The following RPL28 variants were observed in gnomAD, a reference collection of about 807,000 sequenced individuals.
The protein encoded by RPL28 is ribosomal protein L28.
In RPL28, 4 loss-of-function variants were observed where a neutral mutation model predicts 12.5. The ratio of observed to expected loss-of-function variants is 0.32; its 90% confidence interval spans 0.16 to 0.73. The LOEUF is 0.73. RPL28 is among the 30% of genes least tolerant of loss of function. RPL28 has a pLI of 0.66. For synonymous variants in RPL28, 91 were observed against 72.5 expected, an observed-to-expected ratio of 1.26 and a Z score of -1.30; for missense variants, 214 against 197.7, an observed-to-expected ratio of 1.08 and a Z score of -0.49.
rs2089982441 is a variant in RPL28, at chr19:55,390,742, CTGAA to C, written c.*2413_*2416del. 1.0e-6 allele frequency: 1 copy of C among 985,438 alleles called. No homozygotes were observed. Among genetic ancestry groups the C allele is most frequent in the Non-Finnish European group, 1.2e-6 (1 of 829,982 alleles). The allele number at this position is 985,438 out of a possible 1,614,324, so 61.0% of individuals were successfully genotyped here. On this transcript the variant is annotated 3_prime_UTR_variant, in exon 5 of 5. Transcript: ENST00000344063. ...GGGCTGGGGAGGCCACGTCTGGTAT[CTGAA>C]TGCTATCGGTGGGTTGGGGTGGAGG...
chr19:55,388,739 T>A lies in RPL28; in HGVS notation c.*407T>A. The A allele has an allele frequency of 2.0e-6, 2 of 1,018,316 alleles. No homozygotes were observed. The highest frequency in any genetic ancestry group is 2.3e-6 in the Non-Finnish European group (2 of 852,288). The allele number at this position is 1,018,316 out of a possible 1,614,324, so 63.1% of individuals were successfully genotyped here. A position where few individuals can be genotyped will look rare whatever the true frequency, so the allele number is the denominator to read the frequency against. On this transcript the variant is annotated 3_prime_UTR_variant, in exon 5 of 5. Transcript: ENST00000344063. ...GGTGCTGTAGCACGGTTTGGGGACTTGGGGTGTTCCCAAGACCTGGGGGAC... is the reference window on the plus strand; with the variant it reads ...GGTGCTGTAGCACGGTTTGGGGACTAGGGGTGTTCCCAAGACCTGGGGGAC...
chr19:55,402,227 G>A (rs2090065094), intron 4 of RPL28, among the ~76,000 whole-genome samples: 1 of 152,218 alleles, frequency 6.6e-6, no homozygotes, highest in Non-Finnish European at 1.5e-5. Context: ...CAGGATTTGA[G>A]GAAATCACAC....
intron 1 of RPL28, 110 bp downstream of exon 1, chr19:55,386,075 C>T (rs890659946): frequency 1.6e-5 from 7 of 438,684 alleles, no homozygotes; most frequent in South Asian, 2.2e-5. Context: ...TGGCGGACCC[C>T]AACCCCTCCC....
chr19:55,388,557 T>A lies in RPL28; in HGVS notation c.*225T>A. 8.0e-7 allele frequency: 1 copy of A among 1,254,494 alleles called. No individual in the cohort carries two copies. The highest frequency in any genetic ancestry group is 1.5e-5 in the African/African-American group (1 of 64,710). The allele number at this position is 1,254,494 out of a possible 1,614,324, so 77.7% of individuals were successfully genotyped here. On this transcript the variant is annotated 3_prime_UTR_variant, in exon 5 of 5. Coordinates refer to ENST00000344063, the MANE Select transcript of RPL28 (RefSeq NM_000991.5). ...TCCCTGGTGAGGGCAAGGGTCACTG[T>A]CTTCACAGAAAAAGTTTGCTGACTT...
At chr19:55,398,099 G>A (rs1174541657) in intron 4 of RPL28, among the ~76,000 whole-genome samples, 1 of 152,186 alleles carries the variant, frequency 6.6e-6, no homozygotes, top group East Asian at 1.9e-4. Context: ...GGGAGTCTGA[G>A]GCATGAAATC....
At position 55,390,003 on chromosome 19, in the gene RPL28, C is replaced by T; in HGVS notation, c.*1671C>T. The T allele has an allele frequency of 2.0e-6, 2 of 985,500 alleles. No individual in the cohort carries two copies. The highest frequency in any genetic ancestry group is 9.4e-5 in the South Asian group (2 of 21,294). The allele number at this position is 985,500 out of a possible 1,614,324, so 61.0% of individuals were successfully genotyped here. ...TGCTCACGTTAGTAGATGGCCCCTT[C>T]TCGTGAGGCCTCTCCCCTGGCACCT... On this transcript the variant is annotated 3_prime_UTR_variant, in exon 5 of 5. Transcript: ENST00000344063.
intron 3 of RPL28, chr19:55,387,586 C>T (rs1464802602): frequency 2.8e-6 from 4 of 1,404,200 alleles, no homozygotes; most frequent in East Asian, 5.3e-5. Context: ...GCCTGGGGTT[C>T]CTGGGAAGCT....
rs1485382897 is a variant in RPL28, at chr19:55,390,582, C to T, written c.*2250C>T. 3.0e-6 allele frequency: 3 copies of T among 985,658 alleles called. No homozygotes were observed. The highest frequency in any genetic ancestry group is 2.3e-4 in the East Asian group (2 of 8,834). 61.1% of individuals were successfully genotyped at this position (985,658 alleles called of 1,614,324 possible). ...AGGCTTGTGCCTCTAGGCCCCACCC[C>T]CTGTGGAGTCCTGCTGGCTTTCTCC... is the stretch of plus-strand genomic sequence containing the variant. On this transcript the variant is annotated 3_prime_UTR_variant, in exon 5 of 5. Coordinates refer to ENST00000344063, the MANE Select transcript of RPL28 (RefSeq NM_000991.5).
At chr19:55,402,992 A>C (rs1459906871) in exon 5 of RPL28, 14 of 1,534,668 alleles carry the variant, frequency 9.1e-6, no homozygotes, top group Non-Finnish European at 1.2e-5. Context: ...CTGGAGCACC[A>C]GCCTAGACCA....
rs2089963632 is a variant in RPL28, at chr19:55,388,993, C to T, written c.*661C>T. 2 of 985,374 alleles carry T rather than the reference C, an allele frequency of 2.0e-6. No homozygotes were observed. Among genetic ancestry groups the T allele is most frequent in the Non-Finnish European group, 2.4e-6 (2 of 829,976 alleles). The allele number at this position is 985,374 out of a possible 1,614,324, so 61.0% of individuals were successfully genotyped here. On this transcript the variant is annotated 3_prime_UTR_variant, in exon 5 of 5. Transcript: ENST00000344063. ...TCCCGTCCTCCAGGTGTCCCCATCCCTCCCCTGTCTCTTTGAGCTGGCTCT... is the reference window on the plus strand; with the variant it reads ...TCCCGTCCTCCAGGTGTCCCCATCCTTCCCCTGTCTCTTTGAGCTGGCTCT...
chr19:55,390,454 C>T lies in RPL28; in HGVS notation c.*2122C>T, dbSNP rs888378743. 5 of 984,948 alleles carry T rather than the reference C, an allele frequency of 5.1e-6. No individual in the cohort carries two copies. In the African/African-American group the frequency reaches 8.7e-5, roughly 17 times the overall value. 61.0% of individuals were successfully genotyped at this position (984,948 alleles called of 1,614,324 possible). A position where few individuals can be genotyped will look rare whatever the true frequency, so the allele number is the denominator to read the frequency against. On this transcript the variant is annotated 3_prime_UTR_variant, in exon 5 of 5. Coordinates refer to ENST00000344063, the MANE Select transcript of RPL28 (RefSeq NM_000991.5). ...TCCTGACTTCAAATTACCCACCTGCCTCAGCCTCCCAAAGTGCTGGCATTA... is the reference window on the plus strand; with the variant it reads ...TCCTGACTTCAAATTACCCACCTGCTTCAGCCTCCCAAAGTGCTGGCATTA...
Position 55,391,047 on chromosome 19 carries a change from A to AGCCAAAG in RPL28, c.*2715_*2716insGCCAAAG. 1.3e-6 allele frequency: 1 copy of AGCCAAAG among 788,950 alleles called. No homozygotes were observed. The highest frequency in any genetic ancestry group is 5.7e-5 in the South Asian group (1 of 17,462). 48.9% of individuals were successfully genotyped at this position (788,950 alleles called of 1,614,324 possible). ...TGAAAGCCAAAGACAAAATTGGGAG[A>AGCCAAAG]ACAAAAGAAAAGCGTCTTGTCACAT... On this transcript the variant is annotated 3_prime_UTR_variant, in exon 5 of 5. Transcript: ENST00000344063.
At chr19:55,395,043 AG>A (rs2090012808), downstream of RPL28, among the ~76,000 whole-genome samples, 1 of 152,238 alleles carries the variant, frequency 6.6e-6, no homozygotes, top group Non-Finnish European at 1.5e-5. Context: ...GCCTCTGGAT[AG>A]TCACAATATG....
chr19:55,393,248 C>G (rs1600309712), downstream of RPL28, among the ~76,000 whole-genome samples: 1 of 2,322 alleles, frequency 4.3e-4, no homozygotes. Context: ...CGACGCACCC[C>G]CCCCCCCCCC....
In RPL28 at chr19:55,392,075, C is replaced by G; in HGVS notation, c.*3743C>G. 9.9e-7 allele frequency: 1 copy of G among 1,011,556 alleles called. No individual in the cohort carries two copies. Among genetic ancestry groups the G allele is most frequent in the Non-Finnish European group, 1.2e-6 (1 of 847,336 alleles). 62.7% of individuals were successfully genotyped at this position (1,011,556 alleles called of 1,614,324 possible). ...TAGCCAGTTACTAGAATAAAATCAT[C>G]TACTTTAAAATCTTTCATTATGAAA... On this transcript the variant is annotated 3_prime_UTR_variant, in exon 5 of 5. Coordinates refer to ENST00000344063, the MANE Select transcript of RPL28 (RefSeq NM_000991.5).
In RPL28 at chr19:55,388,939, A is replaced by G; in HGVS notation, c.*607A>G. On this transcript the variant is annotated 3_prime_UTR_variant, in exon 5 of 5. Transcript: ENST00000344063. ...CAGCCCCAGGGTACAGCCAGCAGGC[A>G]TTGAGCAGCCTTAGCATTGTCCCCC... 1.0e-6 allele frequency: 1 copy of G among 985,510 alleles called. No individual in the cohort carries two copies. Among genetic ancestry groups the G allele is most frequent in the Non-Finnish European group, 1.2e-6 (1 of 830,004 alleles). 61.0% of individuals were successfully genotyped at this position (985,510 alleles called of 1,614,324 possible). A position where few individuals can be genotyped will look rare whatever the true frequency, so the allele number is the denominator to read the frequency against.
chr19:55,402,298 T>A (rs907723967), intron 4 of RPL28, among the ~76,000 whole-genome samples: 1 of 152,228 alleles, frequency 6.6e-6, no homozygotes, highest in African/African-American at 2.4e-5. Flanking sequence ...CTGACCTCTG[T>A]CTTTTATCAG....
At chr19:55,386,477 G>A (rs373016497) in intron 2 of RPL28, 39 bp downstream of exon 2, 190 of 1,609,668 alleles carry the variant, frequency 1.2e-4, no homozygotes, top group Non-Finnish European at 1.5e-4. Context: ...GCGGGAGGAG[G>A]GTCCTGAGTC....
exon 5 of RPL28, chr19:55,403,087 C>T (rs1333825597): frequency 8.7e-7 from 1 of 1,148,782 alleles, no homozygotes; most frequent in Non-Finnish European, 1.3e-6. Flanking sequence ...GGGCAGCACC[C>T]TTGGCCTCCA....
Sources: gnomAD v4.1 joint callset for allele counts (sites outside exome capture counted in the v4.1 genomes callset) on GRCh38, gnomAD v4.1.1 for gene constraint, MANE v1.5 for transcripts, NCBI Gene and HGNC (gene_info 2026-07-23, HGNC 2026-07-21) for gene names.